The following UNC13C variants were observed in gnomAD, a reference collection of about 807,000 sequenced individuals.
UNC13C encodes unc-13 homolog C.
A neutral mutation model predicts 245.4 loss-of-function variants in UNC13C; 174 were observed. That is an observed-to-expected ratio of 0.71 (90% CI 0.63 to 0.80). The LOEUF (loss-of-function observed/expected upper bound fraction) is 0.80. Ranked by LOEUF, UNC13C falls within the 30% of genes least tolerant of loss-of-function variation. The probability of loss-of-function intolerance (pLI) is 0.00; values close to 1 mark genes in which losing one functional copy is unlikely to be tolerated. For missense variants in UNC13C, 2,829 were observed against 2,602.9 expected (o/e 1.09, Z -1.89); for synonymous variants, 992 against 895.1 (o/e 1.11, Z -1.93).
intron 25 of UNC13C, among the ~76,000 whole-genome samples, chr15:54,531,440 T>G (rs1895730176): frequency 2.0e-5 from 3 of 152,124 alleles, no homozygotes; most frequent in Admixed American, 2.0e-4. Flanking sequence ...ATGGCCATGT[T>G]TGTACTAAAA....
intron 30 of UNC13C, among the ~76,000 whole-genome samples, chr15:54,597,386 G>A (rs377365958): frequency 6.6e-6 from 1 of 152,108 alleles, no homozygotes; most frequent in African/African-American, 2.4e-5. Context: ...TGGAATCCAG[G>A]GTCCTCTGGT....
chr15:54,085,402 C>G (rs947607232), intron 2 of UNC13C, among the ~76,000 whole-genome samples: 3 of 152,040 alleles, frequency 2.0e-5, no homozygotes, highest in Admixed American at 2.0e-4. Context: ...TATACTCAAC[C>G]TTTTAGTTTG....
chr15:54,611,987 G>A (rs1185896825), intron 30 of UNC13C, among the ~76,000 whole-genome samples: 1 of 151,904 alleles, frequency 6.6e-6, no homozygotes, highest in Non-Finnish European at 1.5e-5. Context: ...CTGATCACAT[G>A]GATATCTCAT....
chr15:54,025,340 C>T (rs1896065463), intron 2 of UNC13C, among the ~76,000 whole-genome samples: 1 of 152,136 alleles, frequency 6.6e-6, no homozygotes, highest in Non-Finnish European at 1.5e-5. Context: ...TTCTTAAGAA[C>T]CCTAGAAGGT....
intron 2 of UNC13C, among the ~76,000 whole-genome samples, chr15:54,125,417 T>G (rs1316164123): frequency 6.6e-6 from 1 of 152,116 alleles, no homozygotes; most frequent in African/African-American, 2.4e-5. Flanking sequence ...GAACTGAGAC[T>G]GCGCCACTGC....
At chr15:54,032,920 T>C (rs1896421698) in intron 2 of UNC13C, among the ~76,000 whole-genome samples, 1 of 152,100 alleles carries the variant, frequency 6.6e-6, no homozygotes, top group Admixed American at 6.5e-5. Context: ...CACTCATAAG[T>C]GGGAGCTAAT....
chr15:54,069,901 A>G (rs546077591), intron 2 of UNC13C, among the ~76,000 whole-genome samples: 1 of 152,378 alleles, frequency 6.6e-6, no homozygotes, highest in African/African-American at 2.4e-5. Flanking sequence ...AGCAATGAAG[A>G]GAATAAGCAG....
intron 19 of UNC13C, among the ~76,000 whole-genome samples, chr15:54,467,948 T>A (rs1338775265): frequency 6.8e-6 from 1 of 147,560 alleles, no homozygotes; most frequent in Non-Finnish European, 1.5e-5. Flanking sequence ...CTCTTCAACA[T>A]ACTGATTTCA....
chr15:54,009,092 T>C (rs572203269), intron 1 of UNC13C, among the ~76,000 whole-genome samples: 72 of 152,304 alleles, frequency 4.7e-4, no homozygotes, highest in Middle Eastern at 3.4e-3. Flanking sequence ...AAAGCATCTA[T>C]GGTTTTATGA....
At position 54,311,705 on chromosome 15, in the gene UNC13C, G is replaced by A. The variant is rs112496869; in HGVS notation, c.4269-10234G>A. Reference sequence around the variant, plus strand: ...TACAGTAATTTTATTATACCATGAGGCATGTACTCCTAACTAGAAATTACT... The same window carrying A: ...TACAGTAATTTTATTATACCATGAGACATGTACTCCTAACTAGAAATTACT... On this transcript the variant is annotated intron_variant, in intron 13 of 32. Transcript: ENST00000260323. 4.5e-3 allele frequency among the ~76,000 whole-genome samples: 678 copies of A among 151,656 alleles called. 6 individuals carry two copies. Among genetic ancestry groups the A allele is most frequent in the African/African-American group, 0.016 (652 of 41,434 alleles).
chr15:54,407,511 TA>T (rs2040321217), intron 18 of UNC13C, among the ~76,000 whole-genome samples: 1 of 152,108 alleles, frequency 6.6e-6, no homozygotes, highest in African/African-American at 2.4e-5. Flanking sequence ...TAAAGTAAAA[TA>T]AAATACAGGC....
At chr15:54,070,973 A>G (rs1898296037) in intron 2 of UNC13C, among the ~76,000 whole-genome samples, 1 of 152,214 alleles carries the variant, frequency 6.6e-6, no homozygotes, top group African/African-American at 2.4e-5. Context: ...TTCAACATCT[A>G]TAGGGCCTGA....
chr15:53,997,462 A>G (rs1046291602), intron 1 of UNC13C, among the ~76,000 whole-genome samples: 8 of 152,162 alleles, frequency 5.3e-5, no homozygotes, highest in African/African-American at 1.9e-4. Flanking sequence ...TATACTTCTA[A>G]GAAATTTTTC....
intron 13 of UNC13C, among the ~76,000 whole-genome samples, chr15:54,304,918 T>C (rs989504284): frequency 3.3e-5 from 5 of 152,048 alleles, no homozygotes; most frequent in African/African-American, 1.2e-4. Flanking sequence ...TATTAGAAAT[T>C]ATTGTTTTTA....
chr15:54,328,626 G>A (rs1482571759), intron 14 of UNC13C, among the ~76,000 whole-genome samples: 1 of 152,036 alleles, frequency 6.6e-6, no homozygotes, highest in East Asian at 2.0e-4. Flanking sequence ...ATGATGCAGA[G>A]GTTATCATAC....
chr15:54,008,928 C>T (rs1438876930), intron 1 of UNC13C, among the ~76,000 whole-genome samples: 2 of 152,164 alleles, frequency 1.3e-5, no homozygotes, highest in Non-Finnish European at 2.9e-5. Flanking sequence ...CATAATAATG[C>T]CTTTTTTAAA....
intron 2 of UNC13C, chr15:54,048,564 T>C (rs1425018054): frequency 4.2e-6 from 2 of 471,238 alleles, no homozygotes; most frequent in South Asian, 2.0e-5. Flanking sequence ...TTTTATAGAA[T>C]TGATGTACTG....
intron 4 of UNC13C, among the ~76,000 whole-genome samples, chr15:54,153,706 G>T (rs754901329): frequency 6.6e-6 from 1 of 151,940 alleles, no homozygotes; most frequent in African/African-American, 2.4e-5. Context: ...CTAAGTATAT[G>T]TACCAAATAA....
chr15:54,406,757 A>G (rs974016048), intron 18 of UNC13C, among the ~76,000 whole-genome samples: 4 of 152,136 alleles, frequency 2.6e-5, no homozygotes, highest in African/African-American at 4.8e-5. Context: ...TATAGTCACT[A>G]TGCACTTCTC....
Sources: allele counts gnomAD v4.1 joint callset (sites outside exome capture counted in the v4.1 genomes callset), GRCh38; gene constraint gnomAD v4.1.1; transcripts MANE v1.5; gene names NCBI Gene and HGNC (gene_info 2026-07-23, HGNC 2026-07-21).